CSGALNACT1: variants seen among roughly 807,000 people sequenced by gnomAD.
The protein encoded by CSGALNACT1 is chondroitin sulfate N-acetylgalactosaminyltransferase 1, also known as beta4GalNAcT-1.
Under a neutral mutation model 51.0 loss-of-function variants are expected in CSGALNACT1, and 52 were observed. That is an observed-to-expected ratio of 1.02 (90% confidence interval 0.82 to 1.29). CSGALNACT1 has a LOEUF of 1.29. Ranked by LOEUF, CSGALNACT1 falls within the 50% of genes most tolerant of loss-of-function variation. The pLI, the probability that CSGALNACT1 is intolerant of heterozygous loss-of-function variation, is 0.00. For missense variants in CSGALNACT1, 935 were observed against 679.2 expected, an observed-to-expected ratio of 1.38 and a Z score of -4.19; for synonymous variants, 341 against 254.4, an observed-to-expected ratio of 1.34 and a Z score of -3.24.
At chr8:19,582,977 T>C (rs753753185) in intron 3 of CSGALNACT1, among the ~76,000 whole-genome samples, 22 of 152,106 alleles carry the variant, frequency 1.4e-4, no homozygotes, top group Admixed American at 4.6e-4. Context: ...TCCCAGTAAA[T>C]GGAATGGGCT....
chr8:19,656,594 C>T lies in CSGALNACT1; in HGVS notation c.-544+25879G>A, dbSNP rs529324794. 3.8e-4 allele frequency among the ~76,000 whole-genome samples: 40 copies of T among 103,906 alleles called. 1 individual carries two copies. The highest frequency in any genetic ancestry group is 1.3e-3 in the African/African-American group (39 of 29,134). The allele number at this position is 103,906 out of a possible 152,430, so 68.2% of individuals were successfully genotyped here. A position where few individuals can be genotyped will look rare whatever the true frequency, so the allele number is the denominator to read the frequency against. ...ACCAAGAACCAGGAGAAACTACGCC[C>T]CCCCCCCACACACACACACGAGATC... is the stretch of plus-strand genomic sequence containing the variant. On this transcript the variant is annotated intron_variant, in intron 1 of 9. Transcript: ENST00000332246.
At chr8:19,434,839 GA>G (rs112162663) in intron 6 of CSGALNACT1, among the ~76,000 whole-genome samples, 119 of 129,460 alleles carry the variant, frequency 9.2e-4, no homozygotes, top group African/African-American at 1.4e-3. Flanking sequence ...CCTTGTTTAA[GA>G]AAAAAAAAAA....
At chr8:19,754,389 G>A (rs2065229696) in intron 1 of CSGALNACT1, among the ~76,000 whole-genome samples, 1 of 152,054 alleles carries the variant, frequency 6.6e-6, no homozygotes, top group South Asian at 2.1e-4. Context: ...CTTTTTTGCT[G>A]TTAATGATAC....
chr8:19,723,214 T>G (rs2063219489), intron 1 of CSGALNACT1, among the ~76,000 whole-genome samples: 1 of 152,232 alleles, frequency 6.6e-6, no homozygotes, highest in Admixed American at 6.5e-5. Context: ...TCCCTTATTT[T>G]CAAGCCCTTA....
rs545556113 is a variant in CSGALNACT1 at position 19,661,889 on chromosome 8, C to T, written c.-544+20584G>A. On this transcript the variant is annotated intron_variant, in intron 1 of 9. Transcript: ENST00000332246. ...TGAACAGTTTCTCCTCGTATATAAC[C>T]TCAACTTATTTTGACCAAGACTTCT... 1.8e-4 allele frequency among the ~76,000 whole-genome samples: 27 copies of T among 152,214 alleles called. No homozygotes were observed. The South Asian group carries it at 5.6e-3, about 32-fold the overall frequency.
chr8:19,526,367 A>G (rs2081704553), intron 3 of CSGALNACT1, among the ~76,000 whole-genome samples: 1 of 152,182 alleles, frequency 6.6e-6, no homozygotes, highest in South Asian at 2.1e-4. Flanking sequence ...GGCAGATCAC[A>G]AGGTGAAGAG....
At chr8:19,616,891 TC>T (rs1312469493) in intron 1 of CSGALNACT1, among the ~76,000 whole-genome samples, 2 of 152,198 alleles carry the variant, frequency 1.3e-5, no homozygotes. Flanking sequence ...AAGACACTTT[TC>T]CCACGGGGGT....
intron 1 of CSGALNACT1, among the ~76,000 whole-genome samples, chr8:19,755,939 G>C (rs111244317): frequency 1.3e-5 from 2 of 152,150 alleles, no homozygotes; most frequent in Non-Finnish European, 1.5e-5. Flanking sequence ...TTGCTTTCTA[G>C]GAATTGACCA....
chr8:19,537,626 T>C (rs2084062492), intron 3 of CSGALNACT1, among the ~76,000 whole-genome samples: 1 of 152,176 alleles, frequency 6.6e-6, no homozygotes. Context: ...TGCAACCCTT[T>C]ATGCGAAATA....
chr8:19,691,883 T>C (rs577358512), intron 1 of CSGALNACT1, among the ~76,000 whole-genome samples: 30 of 145,670 alleles, frequency 2.1e-4, no homozygotes, highest in African/African-American at 2.7e-4. Context: ...ACCTACTGTA[T>C]TGCACCGTTT....
intron 4 of CSGALNACT1, among the ~76,000 whole-genome samples, chr8:19,485,478 G>A (rs111797646): frequency 5.8e-4 from 88 of 152,182 alleles, no homozygotes; most frequent in African/African-American, 1.9e-3. Flanking sequence ...GAATTCAGGG[G>A]CATAATGGGA....
At chr8:19,641,865 G>C (rs1252771742) in intron 1 of CSGALNACT1, 1 of 152,136 alleles carries the variant, frequency 6.6e-6, no homozygotes, top group Non-Finnish European at 1.5e-5. Flanking sequence ...TTCTGCGAAG[G>C]GACAGATACT....
intron 3 of CSGALNACT1, among the ~76,000 whole-genome samples, chr8:19,586,225 T>C (rs1385821832): frequency 6.6e-6 from 1 of 151,532 alleles, no homozygotes; most frequent in African/African-American, 2.4e-5. Flanking sequence ...TATCCGGGCG[T>C]GGTGGTGAGT....
intron 1 of CSGALNACT1, chr8:19,732,526 T>A (rs2063749524): frequency 6.6e-6 from 1 of 152,178 alleles, no homozygotes; most frequent in African/African-American, 2.4e-5. Context: ...GCCATATATG[T>A]GTCTTCATGG....
intron 1 of CSGALNACT1, among the ~76,000 whole-genome samples, chr8:19,727,597 CG>C (rs1564477642): frequency 1.3e-5 from 2 of 152,194 alleles, no homozygotes; most frequent in African/African-American, 4.8e-5. Flanking sequence ...GCGATCCAAC[CG>C]CCTCAACCTC....
At chr8:19,476,122 A>G (rs986837304) in intron 4 of CSGALNACT1, among the ~76,000 whole-genome samples, 5 of 152,244 alleles carry the variant, frequency 3.3e-5, no homozygotes, top group Non-Finnish European at 5.9e-5. Flanking sequence ...AAACAATTGA[A>G]TAAGATGTCA....
intron 4 of CSGALNACT1, among the ~76,000 whole-genome samples, chr8:19,501,846 C>G (rs1163519435): frequency 6.6e-6 from 1 of 152,178 alleles, no homozygotes; most frequent in Non-Finnish European, 1.5e-5. Context: ...GTACTTGAGA[C>G]AAACAGTGAA....
intron 3 of CSGALNACT1, among the ~76,000 whole-genome samples, chr8:19,556,209 T>C (rs916624293): frequency 1.3e-5 from 2 of 151,910 alleles, no homozygotes; most frequent in Non-Finnish European, 1.5e-5. Flanking sequence ...ACACTGTCTC[T>C]ACTAAAAATA....
chr8:19,561,425 A>C (rs1346870351), intron 3 of CSGALNACT1, among the ~76,000 whole-genome samples: 1 of 152,232 alleles, frequency 6.6e-6, no homozygotes, highest in Non-Finnish European at 1.5e-5. Context: ...AATAAGAAAC[A>C]GATGAAAAAT....
Sources: allele counts gnomAD v4.1 joint callset (sites outside exome capture counted in the v4.1 genomes callset), GRCh38; gene constraint gnomAD v4.1.1; transcripts MANE v1.5; gene names NCBI Gene and HGNC (gene_info 2026-07-23, HGNC 2026-07-21).